The following NRIP1 variants were observed in gnomAD, a reference collection of about 807,000 sequenced individuals.
NRIP1 encodes the protein nuclear receptor-interacting protein 1.
A neutral mutation model predicts 75.0 loss-of-function variants in NRIP1; 28 were observed. That is an observed-to-expected ratio of 0.37 (90% CI 0.28 to 0.51). NRIP1 has a LOEUF of 0.51. Ranked by LOEUF, NRIP1 falls within the 20% of genes least tolerant of loss-of-function variation. The pLI is 0.92. For synonymous variants in NRIP1, 526 were observed against 487.6 expected, an observed-to-expected ratio of 1.08 and a Z score of -1.04; for missense variants, 1,435 against 1,343.7, an observed-to-expected ratio of 1.07 and a Z score of -1.06.
intron 1 of NRIP1, among the ~76,000 whole-genome samples, chr21:15,063,925 C>G (rs1370857119): frequency 1.3e-5 from 2 of 152,184 alleles, no homozygotes; most frequent in Admixed American, 6.5e-5. Flanking sequence ...CCAGCCTGTC[C>G]GCCTCTAAGA....
At chr21:15,043,371 T>C (rs1250545132) in intron 2 of NRIP1, 124 bp downstream of exon 2, 1 of 152,192 alleles carries the variant, frequency 6.6e-6, no homozygotes, top group Admixed American at 6.5e-5. Context: ...AATGGCAAGG[T>C]AGTTTATCCA....
intron 3 of NRIP1, among the ~76,000 whole-genome samples, chr21:15,011,229 G>A (rs1010152469): frequency 3.7e-4 from 56 of 151,964 alleles, no homozygotes; most frequent in African/African-American, 1.3e-3. Flanking sequence ...TTGCTCTGTC[G>A]CCCAGGCTGG....
chr21:15,041,890 G>T (rs922456732), intron 2 of NRIP1, among the ~76,000 whole-genome samples: 1 of 151,434 alleles, frequency 6.6e-6, no homozygotes, highest in Non-Finnish European at 1.5e-5. Context: ...TTAATTTTTT[G>T]GGTTCATTTA....
chr21:15,010,386 GA>G (rs879475536), intron 3 of NRIP1, among the ~76,000 whole-genome samples: 242 of 137,050 alleles, frequency 1.8e-3, no homozygotes, highest in African/African-American at 4.2e-3. Context: ...CATGGAAAAG[GA>G]AAAAAAAAAA....
intron 1 of NRIP1, among the ~76,000 whole-genome samples, chr21:15,057,381 A>G (rs1471537025): frequency 1.3e-5 from 2 of 152,238 alleles, no homozygotes; most frequent in East Asian, 1.9e-4. Flanking sequence ...ACACCGCAGT[A>G]ATTCTGTGAT....
At chr21:14,974,560 T>C (rs4816445) in intron 3 of NRIP1, among the ~76,000 whole-genome samples, 9,241 of 152,270 alleles carry the variant, frequency 0.061, 372 homozygotes, top group Middle Eastern at 0.14. Flanking sequence ...CTGCCTTAAG[T>C]ATCTGTCCAC....
At chr21:15,037,954 C>T (rs1405377978) in intron 2 of NRIP1, among the ~76,000 whole-genome samples, 2 of 152,046 alleles carry the variant, frequency 1.3e-5, no homozygotes, top group Non-Finnish European at 1.5e-5. Context: ...ATCTAATAAT[C>T]AGAACGTAAT....
At chr21:14,997,029 T>C (rs1404492993) in intron 3 of NRIP1, among the ~76,000 whole-genome samples, 3 of 152,144 alleles carry the variant, frequency 2.0e-5, no homozygotes, top group Admixed American at 2.0e-4. Flanking sequence ...ATTTCGGATA[T>C]TTCTCCCTTT....
intron 1 of NRIP1, among the ~76,000 whole-genome samples, chr21:15,054,974 C>T (rs1183368376): frequency 6.6e-6 from 1 of 152,140 alleles, no homozygotes; most frequent in Non-Finnish European, 1.5e-5. Flanking sequence ...GGAGAATATT[C>T]CTTTCCAATT....
At chr21:15,009,269 G>A (rs1000870530) in intron 3 of NRIP1, among the ~76,000 whole-genome samples, 37 of 152,096 alleles carry the variant, frequency 2.4e-4, no homozygotes, top group African/African-American at 8.0e-4. Context: ...CTCTAGAGTC[G>A]TTATTATTCT....
intron 1 of NRIP1, among the ~76,000 whole-genome samples, chr21:15,058,906 T>A (rs958071545): frequency 6.6e-6 from 1 of 152,136 alleles, no homozygotes; most frequent in African/African-American, 2.4e-5. Flanking sequence ...TACCCTCACA[T>A]AGCTAGATAA....
intron 2 of NRIP1, among the ~76,000 whole-genome samples, chr21:15,039,642 C>T (rs891303879): frequency 7.2e-5 from 11 of 152,084 alleles, no homozygotes; most frequent in African/African-American, 2.4e-5. Flanking sequence ...TATCTGTAAA[C>T]TTCCCTATTT....
intron 2 of NRIP1, among the ~76,000 whole-genome samples, chr21:15,021,033 C>T (rs1346828333): frequency 6.6e-6 from 1 of 152,056 alleles, no homozygotes; most frequent in Non-Finnish European, 1.5e-5. Flanking sequence ...AATGTATAAC[C>T]TTGCAATGAC....
At chr21:15,046,972 T>C (rs1437123521) in intron 1 of NRIP1, among the ~76,000 whole-genome samples, 2 of 152,334 alleles carry the variant, frequency 1.3e-5, no homozygotes, top group South Asian at 4.1e-4. Context: ...CTTAAGGGAA[T>C]GTTATGGCTG....
At chr21:15,040,267 T>G (rs1283449191) in intron 2 of NRIP1, among the ~76,000 whole-genome samples, 1 of 152,070 alleles carries the variant, frequency 6.6e-6, no homozygotes, top group African/African-American at 2.4e-5. Context: ...GGATAACATT[T>G]TGCAGATACT....
chr21:15,016,433 C>A (rs1048015590), intron 2 of NRIP1, among the ~76,000 whole-genome samples: 1 of 152,186 alleles, frequency 6.6e-6, no homozygotes, highest in African/African-American at 2.4e-5. Flanking sequence ...AAGTAATACT[C>A]AAGGCACGCC....
Position 14,967,063 on chromosome 21 carries a change from T to C in NRIP1, c.1130A>G (p.Asn377Ser), listed in dbSNP as rs781508974. Residue 377 changes from asparagine to serine, a missense_variant, in exon 4 of 4, where the codon AAT becomes AGT. Transcript: ENST00000318948. ...ERNNIKQAAN[N>S]SLLLHLLKSQ... Reference sequence around the variant, plus strand: ...TTTAAGAAGATGTAAAAGCAAACTATTGTTAGCAGCTTGTTTTATATTGTT... The same window carrying C: ...TTTAAGAAGATGTAAAAGCAAACTACTGTTAGCAGCTTGTTTTATATTGTT... 6 of 1,614,046 alleles carry C rather than the reference T, an allele frequency of 3.7e-6. No homozygotes were observed. Among genetic ancestry groups the C allele is most frequent in the South Asian group, 3.3e-5 (3 of 91,074 alleles).
chr21:14,974,077 ATT>A (rs2086981436), intron 3 of NRIP1: 1 of 152,134 alleles, frequency 6.6e-6, no homozygotes, highest in Non-Finnish European at 1.5e-5. Context: ...TTTTATTAAT[ATT>A]TAAGTTAATT....
At chr21:14,981,955 C>T (rs559041943) in intron 3 of NRIP1, among the ~76,000 whole-genome samples, 3 of 151,212 alleles carry the variant, frequency 2.0e-5, no homozygotes, top group Middle Eastern at 3.4e-3. Flanking sequence ...CAGGATCAAG[C>T]GATCCTCCTA....
Sources: allele counts gnomAD v4.1 joint callset (sites outside exome capture counted in the v4.1 genomes callset), GRCh38; gene constraint gnomAD v4.1.1; transcripts MANE v1.5; gene names NCBI Gene and HGNC (gene_info 2026-07-23, HGNC 2026-07-21).